ADCY1: variants seen among roughly 807,000 people sequenced by gnomAD.
ADCY1 encodes adenylate cyclase type 1.
In ADCY1, 28 loss-of-function variants were observed where a neutral mutation model predicts 105.4. The observed-to-expected ratio is 0.27, with a 90% confidence interval of 0.20 to 0.36. ADCY1 has a LOEUF of 0.36. Ranked by LOEUF, ADCY1 falls within the 10% of genes least tolerant of loss-of-function variation. The pLI is 1.00. For missense variants in ADCY1, 977 were observed against 1,434.2 expected (o/e 0.68, Z 5.15); for synonymous variants, 655 against 623.8 (o/e 1.05, Z -0.75).
intron 8 of ADCY1, among the ~76,000 whole-genome samples, chr7:45,670,919 C>T (rs910801250): frequency 2.0e-5 from 3 of 152,224 alleles, no homozygotes; most frequent in Non-Finnish European, 4.4e-5. Flanking sequence ...AACTGTCAGA[C>T]CAGGGAGCAG....
intron 14 of ADCY1, among the ~76,000 whole-genome samples, chr7:45,696,314 C>T (rs929300549): frequency 2.6e-5 from 4 of 151,898 alleles, no homozygotes; most frequent in Admixed American, 2.0e-4. Context: ...TGGCAGGCAC[C>T]TGTGGTCCCA....
chr7:45,600,971 A>G (rs564215496), intron 2 of ADCY1, among the ~76,000 whole-genome samples: 2 of 152,310 alleles, frequency 1.3e-5, no homozygotes, highest in South Asian at 4.1e-4. Context: ...TAGGGCTTCA[A>G]TCTATGAATA....
At chr7:45,659,603 C>T (rs1010211583) in intron 6 of ADCY1, among the ~76,000 whole-genome samples, 1 of 152,206 alleles carries the variant, frequency 6.6e-6, no homozygotes, top group African/African-American at 2.4e-5. Flanking sequence ...GTGGCCACCC[C>T]TGACTTCTTG....
Position 45,710,180 on chromosome 7 carries a change from T to C in ADCY1, c.2933-348T>C, listed in dbSNP as rs1399027303. On this transcript the variant is annotated intron_variant, in intron 18 of 19. Transcript: ENST00000297323. This position sits in a 1 kb window ranked among gnomAD's most constrained non-coding sequence, Gnocchi z 4.7. Reference sequence around the variant, plus strand: ...CACAGATATTGAAAGGCCACACTTCTGAGTGGCTCCCCTGGTAGGGCTCAG... The same window carrying C: ...CACAGATATTGAAAGGCCACACTTCCGAGTGGCTCCCCTGGTAGGGCTCAG... Among the ~76,000 whole-genome samples, 2 of 152,184 alleles carry C rather than the reference T, an allele frequency of 1.3e-5. No individual in the cohort carries two copies. The highest frequency in any genetic ancestry group is 2.9e-5 in the Non-Finnish European group (2 of 68,026).
rs34705083 is a variant in ADCY1 at position 45,629,509 on chromosome 7, C to CTT, written c.1020+6785_1020+6786dup. Among the ~76,000 whole-genome samples, 86 of 129,360 alleles carry CTT rather than the reference C, an allele frequency of 6.6e-4. 1 individual carries two copies. The East Asian group carries it at 9.6e-3, about 14-fold the overall frequency. 84.9% of individuals were successfully genotyped at this position (129,360 alleles called of 152,430 possible). On this transcript the variant is annotated intron_variant, in intron 4 of 19. Coordinates refer to ENST00000297323, the MANE Select transcript of ADCY1 (RefSeq NM_021116.4). ...AAAAACATGGCAGATGTATGCTTAA[C>CTT]TTTTTTTTTTTTTTTTTTTTGAGAC...
chr7:45,712,278 T>C (rs1785275649), intron 19 of ADCY1, among the ~76,000 whole-genome samples: 1 of 149,610 alleles, frequency 6.7e-6, no homozygotes, highest in Admixed American at 6.7e-5. Flanking sequence ...GTACTTTTTT[T>C]TACAATGACT....
chr7:45,580,396 G>C (rs1344887850), intron 1 of ADCY1, among the ~76,000 whole-genome samples: 3 of 152,324 alleles, frequency 2.0e-5, no homozygotes, highest in Admixed American at 2.0e-4. Flanking sequence ...AGCTGCCGGG[G>C]CCTCCCTGCC....
chr7:45,657,873 C>T lies in ADCY1; in HGVS notation c.1295C>T (p.Ala432Val). The T allele has an allele frequency of 7.7e-7, 1 of 1,298,072 alleles. No homozygotes were observed. The highest frequency in any genetic ancestry group is 1.0e-6 in the Non-Finnish European group (1 of 969,296). 80.4% of individuals were successfully genotyped at this position (1,298,072 alleles called of 1,614,324 possible). A position where few individuals can be genotyped will look rare whatever the true frequency, so the allele number is the denominator to read the frequency against. ...ACCTTGGCCAATGTCATGGAAGCCGCTGGCCTGCCAGGGTAAGTCGGGGAT... is the reference window on the plus strand; with the variant it reads ...ACCTTGGCCAATGTCATGGAAGCCGTTGGCCTGCCAGGGTAAGTCGGGGAT... ...DVTLANVMEA[A>V]GLPGKVHITK... Residue 432 changes from alanine to valine, a missense_variant, in exon 6 of 20, where the codon GCT becomes GTT. Physicochemically the swap from Ala to Val is moderately conservative, Grantham distance 64 (BLOSUM62 0). Transcript: ENST00000297323.
rs1304582180 is a variant in ADCY1, at chr7:45,716,187, G to GCTA, written c.*2195_*2197dup. The GCTA allele has an allele frequency of 2.0e-5, 3 of 152,494 alleles. No individual in the cohort carries two copies. Among genetic ancestry groups the GCTA allele is most frequent in the African/African-American group, 7.2e-5 (3 of 41,430 alleles). 9.4% of individuals were successfully genotyped at this position (152,494 alleles called of 1,614,324 possible). A position where few individuals can be genotyped will look rare whatever the true frequency, so the allele number is the denominator to read the frequency against. On this transcript the variant is annotated 3_prime_UTR_variant, in exon 20 of 20. Coordinates refer to ENST00000297323, the MANE Select transcript of ADCY1 (RefSeq NM_021116.4). ...GGAGGTGCTTGCAGGGCCTCTCGCTGCTACTGGGACATCCACAGGACCTAA... is the reference window on the plus strand; with the variant it reads ...GGAGGTGCTTGCAGGGCCTCTCGCTGCTACTACTGGGACATCCACAGGACCTAA...
intron 4 of ADCY1, among the ~76,000 whole-genome samples, chr7:45,634,980 T>C (rs1023575936): frequency 3.9e-5 from 6 of 152,232 alleles, no homozygotes; most frequent in African/African-American, 1.4e-4. Context: ...ACATTTCCTT[T>C]TGTTGAATTT....
rs1785384065 is a variant in ADCY1 at position 45,717,700 on chromosome 7, GC to G, written c.*3709del. ...GCCTGATGCCGTAGAGTAGAACACAGCCCCGGAATGCTTCCAGTTGCTTGCA... is the reference window on the plus strand; with the variant it reads ...GCCTGATGCCGTAGAGTAGAACACAGCCCGGAATGCTTCCAGTTGCTTGCA... On this transcript the variant is annotated 3_prime_UTR_variant, in exon 20 of 20. Transcript: ENST00000297323. 1 of 152,248 alleles carries G rather than the reference GC, an allele frequency of 6.6e-6. No homozygotes were observed. Among genetic ancestry groups the G allele is most frequent in the South Asian group, 2.1e-4 (1 of 4,832 alleles). 9.4% of individuals were successfully genotyped at this position (152,248 alleles called of 1,614,324 possible). A position where few individuals can be genotyped will look rare whatever the true frequency, so the allele number is the denominator to read the frequency against.
chr7:45,667,093 C>A (rs549281206), intron 8 of ADCY1, among the ~76,000 whole-genome samples: 3 of 150,688 alleles, frequency 2.0e-5, no homozygotes, highest in African/African-American at 5.0e-5. Flanking sequence ...GTTCACTCTA[C>A]TGGTAGTTTC....
chr7:45,660,428 C>T (rs949533635), intron 7 of ADCY1, among the ~76,000 whole-genome samples: 2 of 152,194 alleles, frequency 1.3e-5, no homozygotes, highest in Non-Finnish European at 2.9e-5. Context: ...CGGGGCAGGC[C>T]GTTCTGTGTC....
chr7:45,667,286 A>G (rs1319038228), intron 8 of ADCY1, among the ~76,000 whole-genome samples: 1 of 152,198 alleles, frequency 6.6e-6, no homozygotes, highest in East Asian at 1.9e-4. Context: ...TCTTTAATCC[A>G]TCCTGAATTA....
chr7:45,680,206 T>G (rs1416222401), intron 11 of ADCY1, among the ~76,000 whole-genome samples: 1 of 152,248 alleles, frequency 6.6e-6, no homozygotes, highest in Non-Finnish European at 1.5e-5. Context: ...ATACTGATCC[T>G]GTTCTCTTGG....
chr7:45,711,617 A>ATATATATATGTATATATG (rs1199025256), intron 19 of ADCY1, among the ~76,000 whole-genome samples: 10 of 37,020 alleles, frequency 2.7e-4, no homozygotes, highest in African/African-American at 7.6e-4. Flanking sequence ...GTATATATAT[A>ATATATATATGTATATATG]TATATATATA....
chr7:45,665,157 A>G (rs1269663006), intron 8 of ADCY1, among the ~76,000 whole-genome samples: 1 of 152,248 alleles, frequency 6.6e-6, no homozygotes, highest in Non-Finnish European at 1.5e-5. Flanking sequence ...AAATCATTAT[A>G]TAGATTTGCA....
At chr7:45,704,288 T>C (rs567446062) in intron 16 of ADCY1, among the ~76,000 whole-genome samples, 2 of 152,230 alleles carry the variant, frequency 1.3e-5, no homozygotes, top group South Asian at 4.2e-4. Flanking sequence ...TGGACCTGAT[T>C]CTCCTGGTGG....
chr7:45,634,146 G>A (rs572717576), intron 4 of ADCY1, among the ~76,000 whole-genome samples: 3 of 152,200 alleles, frequency 2.0e-5, no homozygotes, highest in East Asian at 3.9e-4. Context: ...GTATACATAC[G>A]TTTTCTACAT....
Sources: allele counts gnomAD v4.1 joint callset (sites outside exome capture counted in the v4.1 genomes callset), GRCh38; gene constraint gnomAD v4.1.1; non-coding constraint Gnocchi (gnomAD v3.1); transcripts MANE v1.5; gene names NCBI Gene and HGNC (gene_info 2026-07-23, HGNC 2026-07-21).